TCF12: variants seen among roughly 807,000 people sequenced by gnomAD.
TCF12 encodes transcription factor 12, also known as DNA-binding protein HTF4.
Under a neutral mutation model 86.0 loss-of-function variants are expected in TCF12, and 45 were observed. The observed-to-expected ratio is 0.52, with a 90% CI of 0.41 to 0.67. The LOEUF (loss-of-function observed/expected upper bound fraction) is 0.67. TCF12 is among the 30% of genes least tolerant of loss of function. TCF12 has a pLI of 0.00. For missense variants in TCF12, 881 were observed against 859.9 expected, an observed-to-expected ratio of 1.02 and a Z score of -0.31; for synonymous variants, 330 against 299.6, an observed-to-expected ratio of 1.10 and a Z score of -1.05.
chr15:57,215,367 C>T (rs1194023714), intron 8 of TCF12, among the ~76,000 whole-genome samples: 1 of 152,132 alleles, frequency 6.6e-6, no homozygotes, highest in Non-Finnish European at 1.5e-5. Context: ...CCTCTTAAAT[C>T]TATCCTCACC....
chr15:57,170,675 A>ATATTATATATAATAT (rs1486411354), intron 6 of TCF12, among the ~76,000 whole-genome samples: 2 of 9,456 alleles, frequency 2.1e-4, no homozygotes, highest in African/African-American at 5.5e-4. Flanking sequence ...ATATATATAT[A>ATATTATATATAATAT]ATATATTATA....
chr15:57,072,580 C>G (rs760913227), intron 4 of TCF12: 318 of 1,000,064 alleles, frequency 3.2e-4, no homozygotes, highest in Non-Finnish European at 4.1e-4. Flanking sequence ...TTTATAGCTA[C>G]TAGGAGTTCA....
intron 3 of TCF12, among the ~76,000 whole-genome samples, chr15:57,049,170 T>C (rs1214896508): frequency 6.6e-6 from 1 of 152,212 alleles, no homozygotes; most frequent in Admixed American, 6.5e-5. Flanking sequence ...TCATCCCAGC[T>C]CCAGAACTTC....
At chr15:57,178,535 A>C (rs188272532) in intron 6 of TCF12, among the ~76,000 whole-genome samples, 1 of 152,340 alleles carries the variant, frequency 6.6e-6, no homozygotes, top group Admixed American at 6.5e-5. Flanking sequence ...TAGTAGTGCT[A>C]CTTAACACCA....
At chr15:57,006,873 A>G (rs1381066384) in intron 3 of TCF12, among the ~76,000 whole-genome samples, 1 of 152,164 alleles carries the variant, frequency 6.6e-6, no homozygotes, top group Admixed American at 6.5e-5. Context: ...CCGAGATCGC[A>G]CCACTGCACT....
At chr15:57,205,633 T>TG (rs1270544545) in intron 8 of TCF12, among the ~76,000 whole-genome samples, 1 of 152,246 alleles carries the variant, frequency 6.6e-6, no homozygotes, top group Non-Finnish European at 1.5e-5. Flanking sequence ...AAAATCTTTG[T>TG]ATGTAAAGTA....
intron 5 of TCF12, among the ~76,000 whole-genome samples, chr15:57,109,803 T>C (rs1467211388): frequency 1.3e-5 from 2 of 152,222 alleles, no homozygotes; most frequent in Non-Finnish European, 2.9e-5. Context: ...GAATCATTTA[T>C]ATATTACCAT....
chr15:56,975,362 T>C (rs114466858), intron 3 of TCF12, among the ~76,000 whole-genome samples: 2,624 of 152,268 alleles, frequency 0.017, 81 homozygotes, highest in African/African-American at 0.056. Context: ...CTGTTAAACC[T>C]TGCATTTAAA....
Position 57,083,236 on chromosome 15 carries a change from T to A in TCF12, c.223-8553T>A, listed in dbSNP as rs138855138. ...ACTGGTAATGTTCTATTTGTTGAGTTGTGGGCACATGACTTTTTATTATGT... is the reference window on the plus strand; with the variant it reads ...ACTGGTAATGTTCTATTTGTTGAGTAGTGGGCACATGACTTTTTATTATGT... On this transcript the variant is annotated intron_variant, in intron 4 of 20. Transcript: ENST00000333725. 5.2e-3 allele frequency among the ~76,000 whole-genome samples: 798 copies of A among 152,300 alleles called. 2 individuals carry two copies. Among genetic ancestry groups the A allele is most frequent in the Non-Finnish European group, 8.5e-3 (577 of 68,008 alleles).
intron 3 of TCF12, among the ~76,000 whole-genome samples, chr15:56,988,352 T>A (rs2063295063): frequency 6.6e-6 from 1 of 152,188 alleles, no homozygotes; most frequent in African/African-American, 2.4e-5. Flanking sequence ...TACAGCATGT[T>A]ACTCATCTTA....
chr15:57,089,160 C>T (rs1458509165), intron 4 of TCF12, among the ~76,000 whole-genome samples: 1 of 152,226 alleles, frequency 6.6e-6, no homozygotes, highest in Non-Finnish European at 1.5e-5. Context: ...AGATGAAGAA[C>T]TATTATTCCT....
At chr15:57,004,166 G>A (rs2064210779) in intron 3 of TCF12, among the ~76,000 whole-genome samples, 1 of 151,584 alleles carries the variant, frequency 6.6e-6, no homozygotes, top group African/African-American at 2.4e-5. Flanking sequence ...TCTCTCCTGA[G>A]AATATTGATA....
chr15:56,979,220 C>T (rs565496320), intron 3 of TCF12, among the ~76,000 whole-genome samples: 2 of 152,146 alleles, frequency 1.3e-5, no homozygotes, highest in Non-Finnish European at 1.5e-5. Flanking sequence ...TAAGAAGCTA[C>T]TGGACAAAGT....
chr15:57,128,067 A>G (rs2051808204), intron 5 of TCF12, among the ~76,000 whole-genome samples: 1 of 152,014 alleles, frequency 6.6e-6, no homozygotes, highest in Admixed American at 6.6e-5. Flanking sequence ...TTTGGAGGGG[A>G]TCCCTTGGAG....
chr15:57,158,305 G>A (rs1162177255), intron 5 of TCF12, among the ~76,000 whole-genome samples: 1 of 149,626 alleles, frequency 6.7e-6, no homozygotes, highest in Admixed American at 6.7e-5. Flanking sequence ...CAGCCCCCCT[G>A]GTAGCTGGGA....
chr15:57,234,140 A>G (rs777441165), intron 12 of TCF12, 33 bp downstream of exon 12: 6 of 1,508,486 alleles, frequency 4.0e-6, no homozygotes, highest in Non-Finnish European at 5.5e-6. Flanking sequence ...CTACTGAATG[A>G]ATTTTACACT....
intron 3 of TCF12, among the ~76,000 whole-genome samples, chr15:56,935,311 G>C (rs555830774): frequency 2.0e-5 from 3 of 152,188 alleles, no homozygotes; most frequent in East Asian, 1.9e-4. Context: ...TTTTCTCACA[G>C]TTTTGGAGGC....
At chr15:57,242,900 G>T (rs1597575408) in intron 12 of TCF12, among the ~76,000 whole-genome samples, 1 of 152,304 alleles carries the variant, frequency 6.6e-6, no homozygotes, top group Non-Finnish European at 1.5e-5. Context: ...CTTTCTTCAA[G>T]GATGACAGAG....
At chr15:56,973,525 C>T (rs2062446851) in intron 3 of TCF12, among the ~76,000 whole-genome samples, 1 of 152,030 alleles carries the variant, frequency 6.6e-6, no homozygotes, top group African/African-American at 2.4e-5. Context: ...GGCAATGTTC[C>T]TCTTTTGTAG....
Sources: gnomAD v4.1 joint callset for allele counts (sites outside exome capture counted in the v4.1 genomes callset) on GRCh38, gnomAD v4.1.1 for gene constraint, MANE v1.5 for transcripts, NCBI Gene and HGNC (gene_info 2026-07-23, HGNC 2026-07-21) for gene names.